Variants in RANBP10 observed in about 807,000 individuals in gnomAD.
RANBP10 encodes RAN binding protein 10, also known as ran-binding protein 10.
A neutral mutation model predicts 72.8 loss-of-function variants in RANBP10; 24 were observed. The ratio of observed to expected loss-of-function variants is 0.33; its 90% CI spans 0.24 to 0.46. The LOEUF (loss-of-function observed/expected upper bound fraction) is 0.46. RANBP10 is among the 20% of genes least tolerant of loss of function. RANBP10 has a pLI of 1.00. For synonymous variants in RANBP10, 310 were observed against 322.3 expected (o/e 0.96, Z 0.41); for missense variants, 679 against 817.5 (o/e 0.83, Z 2.07).
intron 2 of RANBP10, among the ~76,000 whole-genome samples, chr16:67,776,477 A>AG (rs1183313490): frequency 6.7e-6 from 1 of 150,144 alleles, no homozygotes; most frequent in East Asian, 1.9e-4. Context: ...AAAAAAAAAA[A>AG]AAAAAAAAAG....
chr16:67,739,218 G>C (rs984935790), intron 4 of RANBP10: 1 of 151,826 alleles, frequency 6.6e-6, no homozygotes, highest in Admixed American at 6.6e-5. Flanking sequence ...TGCCCACCTC[G>C]GCCTCCCAAA....
chr16:67,727,630 T>C, intron 12 of RANBP10, 121 bp downstream of exon 12: 2 of 1,495,800 alleles, frequency 1.3e-6, no homozygotes, highest in East Asian at 4.7e-5. Flanking sequence ...GATGCCCCAC[T>C]TCCCTCTGCA....
intron 3 of RANBP10, among the ~76,000 whole-genome samples, chr16:67,764,679 T>A (rs562842916): frequency 1.3e-5 from 2 of 152,188 alleles, no homozygotes; most frequent in East Asian, 3.9e-4. Context: ...GGGGACAGAG[T>A]GAGATCCTGT....
At chr16:67,799,334 C>T (rs1046048668) in intron 2 of RANBP10, among the ~76,000 whole-genome samples, 3 of 144,300 alleles carry the variant, frequency 2.1e-5, no homozygotes, top group Non-Finnish European at 3.0e-5. Context: ...GTTGCCCAGG[C>T]TGGAGTGCAG....
chr16:67,727,873 G>C lies in RANBP10; in HGVS notation c.1498C>G (p.Leu500Val), dbSNP rs1408182292. 6.2e-7 allele frequency: 1 copy of C among 1,613,912 alleles called. No homozygotes were observed. Among genetic ancestry groups the C allele is most frequent in the Non-Finnish European group, 8.5e-7 (1 of 1,180,028 alleles). Residue 500 changes from leucine to valine, a missense_variant, in exon 12 of 14, where the codon CTC (leucine) becomes GTC (valine). Transcript: ENST00000317506. ...GTGGCAGCCTGGTTGCCCCCGCAGA[G>C]CTGCCGCCGAGGATGCCTGTCATCT... is the stretch of plus-strand genomic sequence containing the variant. ...SMDDRHPRRQ[L>V]CGGNQAATER...
chr16:67,805,223 T>A (rs1347261295), intron 2 of RANBP10, among the ~76,000 whole-genome samples: 1 of 152,138 alleles, frequency 6.6e-6, no homozygotes. Flanking sequence ...CTAAAAATAA[T>A]CCCTGCTTTA....
chr16:67,794,934 AAAAAAAAAAAAC>A (rs1404648589), intron 2 of RANBP10, among the ~76,000 whole-genome samples: 21 of 148,664 alleles, frequency 1.4e-4, no homozygotes, highest in African/African-American at 9.9e-5. Flanking sequence ...TCAAATTAAA[AAAAAAAAAAAAC>A]AAAAAAAAAA....
chr16:67,731,281 C>G (rs2053724786), intron 7 of RANBP10, 191 bp downstream of exon 7: 4 of 554,232 alleles, frequency 7.2e-6, no homozygotes, highest in Non-Finnish European at 1.3e-5. Flanking sequence ...TGAGACGTCT[C>G]CATCCTGCCA....
At chr16:67,757,616 C>G (rs540389442) in intron 3 of RANBP10, among the ~76,000 whole-genome samples, 1 of 152,170 alleles carries the variant, frequency 6.6e-6, no homozygotes, top group Non-Finnish European at 1.5e-5. Context: ...GATGCTGTCC[C>G]CATAACCTCA....
At chr16:67,728,662 AGCACTTG>A in intron 10 of RANBP10, 151 bp from the exon 11 acceptor site, 1 of 1,423,696 alleles carries the variant, frequency 7.0e-7, no homozygotes, top group Non-Finnish European at 9.4e-7. Flanking sequence ...CCAAGTCTTC[AGCACTTG>A]GCCCCTACTG....
chr16:67,779,919 G>C (rs1313648239), intron 2 of RANBP10, among the ~76,000 whole-genome samples: 1 of 152,118 alleles, frequency 6.6e-6, no homozygotes, highest in Non-Finnish European at 1.5e-5. Context: ...AGGAGAAAGA[G>C]GATCATGGTC....
intron 13 of RANBP10, among the ~76,000 whole-genome samples, chr16:67,726,895 A>C (rs1213967501): frequency 6.6e-6 from 1 of 152,130 alleles, no homozygotes; most frequent in Non-Finnish European, 1.5e-5. Flanking sequence ...GCCTGTACAG[A>C]GCTTGCTGCC....
At chr16:67,745,198 G>A (rs1333622814) in intron 3 of RANBP10, among the ~76,000 whole-genome samples, 2 of 150,856 alleles carry the variant, frequency 1.3e-5, no homozygotes, top group Admixed American at 1.3e-4. Context: ...GGATGGTCTC[G>A]ATCTCCTGAC....
chr16:67,763,972 C>T (rs947826121), intron 3 of RANBP10, among the ~76,000 whole-genome samples: 4 of 152,196 alleles, frequency 2.6e-5, no homozygotes, highest in African/African-American at 7.2e-5. Flanking sequence ...GCTGGGATTA[C>T]AGGCATGAGC....
At chr16:67,762,255 G>C (rs1216145773) in intron 3 of RANBP10, among the ~76,000 whole-genome samples, 1 of 152,192 alleles carries the variant, frequency 6.6e-6, no homozygotes, top group Non-Finnish European at 1.5e-5. Context: ...AACAGAGTGA[G>C]ATCCCAATCT....
intron 12 of RANBP10, 116 bp from the exon 13 acceptor site, chr16:67,727,554 T>A: frequency 1.5e-6 from 2 of 1,321,820 alleles, no homozygotes; most frequent in Non-Finnish European, 2.1e-6. Flanking sequence ...ATGTGGGGTG[T>A]AGGGTCGGGC....
intron 2 of RANBP10, among the ~76,000 whole-genome samples, chr16:67,779,649 A>G (rs1197655636): frequency 6.6e-6 from 1 of 152,124 alleles, no homozygotes; most frequent in Non-Finnish European, 1.5e-5. Context: ...GGTCCTTGCT[A>G]ACGTTGAGTA....
At chr16:67,749,725 T>TC (rs2054159030) in intron 3 of RANBP10, among the ~76,000 whole-genome samples, 1 of 152,172 alleles carries the variant, frequency 6.6e-6, no homozygotes, top group Non-Finnish European at 1.5e-5. Flanking sequence ...CATGAGGCCG[T>TC]CACAGTCAAG....
chr16:67,796,737 GA>G (rs2055141465), intron 2 of RANBP10, among the ~76,000 whole-genome samples: 1 of 152,074 alleles, frequency 6.6e-6, no homozygotes, highest in African/African-American at 2.4e-5. Context: ...TAAGTAACAA[GA>G]AATGGCATAA....
Sources: allele counts gnomAD v4.1 joint callset (sites outside exome capture counted in the v4.1 genomes callset), GRCh38; gene constraint gnomAD v4.1.1; transcripts MANE v1.5; gene names NCBI Gene and HGNC (gene_info 2026-07-23, HGNC 2026-07-21).